Variants in BCL7A observed in about 807,000 individuals in gnomAD.
BCL7A encodes BAF chromatin remodeling complex subunit BCL7A, also known as B-cell CLL/lymphoma 7 protein family member A.
BCL7A carries 11 observed loss-of-function variants against 28.4 expected under a neutral mutation model. That is an observed-to-expected ratio of 0.39 (90% CI 0.24 to 0.64). The LOEUF (loss-of-function observed/expected upper bound fraction) is 0.64. Among genes scored for constraint, BCL7A ranks in the 30% least tolerant of loss-of-function variants. BCL7A has a pLI of 0.50. For missense variants in BCL7A, 222 were observed against 274.8 expected, an observed-to-expected ratio of 0.81 and a Z score of 1.36; for synonymous variants, 123 against 103.3, an observed-to-expected ratio of 1.19 and a Z score of -1.15.
rs1414632625 is a variant in BCL7A at position 122,060,836 on chromosome 12, G to A, written c.*1673G>A. 1 of 220,636 alleles carries A rather than the reference G, an allele frequency of 4.5e-6. No individual in the cohort carries two copies. The allele number at this position is 220,636 out of a possible 1,614,324, so 13.7% of individuals were successfully genotyped here. ...CTGTCTATTTCCTGCACTTCGAGAA[G>A]AATCAAAATGTTCCTGAATTTCAAA... On this transcript the variant is annotated 3_prime_UTR_variant, in exon 6 of 6. Transcript: ENST00000261822.
rs1884013137 is a variant in BCL7A, at chr12:122,043,941, C to T, written c.327C>T (p.Asn109=). The change falls in exon 4 of 6, where the codon AAC becomes AAT. Residue 109 remains asparagine, a synonymous_variant. Coordinates refer to ENST00000261822, the MANE Select transcript of BCL7A (RefSeq NM_001024808.3). ...ATGCCTCCCCCATCAAACAGGAGAACAGCAGCAACTCCAGCCCCGCTCCAG... is the reference window on the plus strand; with the variant it reads ...ATGCCTCCCCCATCAAACAGGAGAATAGCAGCAACTCCAGCCCCGCTCCAG... ...IADASPIKQE[N]SSNSSPAPEP... 2.5e-6 allele frequency: 4 copies of T among 1,613,870 alleles called. No homozygotes were observed. Among genetic ancestry groups the T allele is most frequent in the Non-Finnish European group, 2.5e-6 (3 of 1,180,022 alleles).
At chr12:122,045,156 G>A (rs528676174) in intron 4 of BCL7A, among the ~76,000 whole-genome samples, 26 of 152,182 alleles carry the variant, frequency 1.7e-4, no homozygotes, top group South Asian at 2.1e-4. Context: ...CGAGGCAGGC[G>A]GATCACTTGA....
chr12:122,054,185 C>T (rs1240190538), intron 4 of BCL7A, among the ~76,000 whole-genome samples: 1 of 152,106 alleles, frequency 6.6e-6, no homozygotes, highest in Non-Finnish European at 1.5e-5. Flanking sequence ...CCCGGGTTCA[C>T]GCCATCCTCC....
chr12:122,025,631 A>G (rs2135838014), intron 1 of BCL7A, among the ~76,000 whole-genome samples: 1 of 150,256 alleles, frequency 6.7e-6, no homozygotes, highest in African/African-American at 2.4e-5. Flanking sequence ...CATCTCAAAA[A>G]AAAAAAAGAA....
chr12:122,032,612 G>A (rs1883767815), intron 2 of BCL7A, among the ~76,000 whole-genome samples: 1 of 152,212 alleles, frequency 6.6e-6, no homozygotes, highest in Non-Finnish European at 1.5e-5. Flanking sequence ...TGATTTGGAG[G>A]CAGACAGACC....
chr12:122,052,866 G>T (rs1439039240), intron 4 of BCL7A, among the ~76,000 whole-genome samples: 7 of 22,270 alleles, frequency 3.1e-4, no homozygotes, highest in African/African-American at 5.4e-4. Flanking sequence ...TATTTTTTTA[G>T]TCGGGGGGGG....
chr12:122,053,100 G>C (rs1043755004), intron 4 of BCL7A, among the ~76,000 whole-genome samples: 1 of 151,954 alleles, frequency 6.6e-6, no homozygotes, highest in Non-Finnish European at 1.5e-5. Flanking sequence ...GGGTTCAAAC[G>C]ATTCTCCTGC....
intron 1 of BCL7A, among the ~76,000 whole-genome samples, chr12:122,025,358 G>A (rs1202149474): frequency 6.6e-6 from 1 of 152,216 alleles, no homozygotes; most frequent in African/African-American, 2.4e-5. Flanking sequence ...GGGCGCGGTG[G>A]CTCACGCCTG....
At chr12:122,024,221 T>G (rs1593020484) in intron 1 of BCL7A, among the ~76,000 whole-genome samples, 1 of 152,348 alleles carries the variant, frequency 6.6e-6, no homozygotes, top group South Asian at 2.1e-4. Context: ...CCTCAGGCTT[T>G]GGGATCTCAT....
At position 122,058,917 on chromosome 12, in the gene BCL7A, A is replaced by G. The variant is rs556063088; in HGVS notation, c.562-175A>G. 2.0e-5 allele frequency among the ~76,000 whole-genome samples: 3 copies of G among 152,294 alleles called. No individual in the cohort carries two copies. The East Asian group carries it at 5.8e-4, about 29-fold the overall frequency. On this transcript the variant is annotated intron_variant, in intron 5 of 5. Coordinates refer to ENST00000261822, the MANE Select transcript of BCL7A (RefSeq NM_001024808.3). ...GAAGAGTTTGGGTGTGAGGGTCTCC[A>G]TAGGTCCTCAAACTCTCTGGAGTCC...
chr12:122,028,765 C>T lies in BCL7A; in HGVS notation c.93-1935C>T, dbSNP rs564201758. ...CCCCTCTTGTAGCCTGTTGGGAATCCCAGGGAGAGAGGGTGTGTAAGTAGA... is the reference window on the plus strand; with the variant it reads ...CCCCTCTTGTAGCCTGTTGGGAATCTCAGGGAGAGAGGGTGTGTAAGTAGA... On this transcript the variant is annotated intron_variant, in intron 1 of 5. Coordinates refer to ENST00000261822, the MANE Select transcript of BCL7A (RefSeq NM_001024808.3). Among the ~76,000 whole-genome samples, 3 of 152,170 alleles carry T rather than the reference C, an allele frequency of 2.0e-5. No individual in the cohort carries two copies. The East Asian group carries it at 5.8e-4, about 29-fold the overall frequency.
Position 122,061,771 on chromosome 12 carries a change from A to G in BCL7A, c.*2608A>G, listed in dbSNP as rs1951925560. On this transcript the variant is annotated 3_prime_UTR_variant, in exon 6 of 6. Transcript: ENST00000261822. The stretch of plus-strand genomic sequence containing the variant: ...ACAAAGTGCTGGCACTTACACCCAC[A>G]ACCCGGAAGGCTGTGGACCGATTCC... The G allele has an allele frequency of 8.7e-6, 2 of 228,862 alleles. No homozygotes were observed. The highest frequency in any genetic ancestry group is 4.4e-5 in the African/African-American group (2 of 44,980). 14.2% of individuals were successfully genotyped at this position (228,862 alleles called of 1,614,324 possible). A position where few individuals can be genotyped will look rare whatever the true frequency, so the allele number is the denominator to read the frequency against.
intron 1 of BCL7A, among the ~76,000 whole-genome samples, chr12:122,024,063 T>C (rs1883550477): frequency 6.6e-6 from 1 of 152,162 alleles, no homozygotes; most frequent in African/African-American, 2.4e-5. Flanking sequence ...GAGATGGGGC[T>C]TCCCACCCCG....
intron 3 of BCL7A, among the ~76,000 whole-genome samples, chr12:122,043,421 G>T (rs1884000421): frequency 8.0e-6 from 1 of 125,172 alleles, no homozygotes; most frequent in African/African-American, 3.0e-5. Context: ...GTGGGTGGGG[G>T]TCAGGGGGCG....
chr12:122,037,381 T>C (rs1434344688), intron 3 of BCL7A, among the ~76,000 whole-genome samples: 1 of 152,230 alleles, frequency 6.6e-6, no homozygotes, highest in African/African-American at 2.4e-5. Flanking sequence ...ATTGGTTTGC[T>C]GGAGTTTCTG....
intron 5 of BCL7A, among the ~76,000 whole-genome samples, chr12:122,058,255 A>G (rs1242980418): frequency 6.6e-6 from 1 of 152,226 alleles, no homozygotes; most frequent in Non-Finnish European, 1.5e-5. Flanking sequence ...CTGTAATCCT[A>G]GCACTCTGGG....
intron 3 of BCL7A, among the ~76,000 whole-genome samples, chr12:122,036,223 C>T (rs1883848950): frequency 6.6e-6 from 1 of 152,142 alleles, no homozygotes; most frequent in Non-Finnish European, 1.5e-5. Context: ...ACTTCCTTTG[C>T]TGTTTAATTT....
intron 5 of BCL7A, among the ~76,000 whole-genome samples, chr12:122,056,816 A>G (rs568498288): frequency 2.9e-4 from 44 of 152,074 alleles, no homozygotes; most frequent in Non-Finnish European, 4.1e-4. Flanking sequence ...AAAAAAATAA[A>G]TACAGAAAAA....
chr12:122,051,111 T>C (rs1278199187), intron 4 of BCL7A, among the ~76,000 whole-genome samples: 1 of 152,210 alleles, frequency 6.6e-6, no homozygotes, highest in African/African-American at 2.4e-5. Flanking sequence ...GCAGGAATTA[T>C]GTTTTGAGTT....
Sources: allele counts gnomAD v4.1 joint callset (sites outside exome capture counted in the v4.1 genomes callset), GRCh38; gene constraint gnomAD v4.1.1; transcripts MANE v1.5; gene names NCBI Gene and HGNC (gene_info 2026-07-23, HGNC 2026-07-21).